The following MEIS2 variants were observed in gnomAD, a reference collection of about 807,000 sequenced individuals.
The protein encoded by MEIS2 is Meis homeobox 2, also known as homeobox protein Meis2.
A neutral mutation model predicts 58.6 loss-of-function variants in MEIS2; 9 were observed. That is an observed-to-expected ratio of 0.15 (90% confidence interval 0.09 to 0.27). The LOEUF is 0.27. MEIS2 is among the 10% of genes least tolerant of loss of function. MEIS2 has a pLI of 1.00. For missense variants in MEIS2, 427 were observed against 635.0 expected (o/e 0.67, Z 3.52); for synonymous variants, 221 against 228.4 (o/e 0.97, Z 0.29).
At chr15:37,008,666 A>T (rs1375325188) in intron 8 of MEIS2, among the ~76,000 whole-genome samples, 1 of 152,238 alleles carries the variant, frequency 6.6e-6, no homozygotes, top group African/African-American at 2.4e-5. Context: ...CTAAAAGGTA[A>T]AAGTTTGCCA....
At chr15:36,953,784 C>A (rs1036268318) in intron 8 of MEIS2, among the ~76,000 whole-genome samples, 1 of 152,174 alleles carries the variant, frequency 6.6e-6, no homozygotes, top group Non-Finnish European at 1.5e-5. Flanking sequence ...TCTAAGGACT[C>A]ATTTGAAAGC....
chr15:36,980,357 C>A (rs891876493), intron 8 of MEIS2, among the ~76,000 whole-genome samples: 1 of 152,094 alleles, frequency 6.6e-6, no homozygotes, highest in Non-Finnish European at 1.5e-5. Context: ...CAAGACTGGG[C>A]AGTTTACAAA....
intron 8 of MEIS2, among the ~76,000 whole-genome samples, chr15:36,976,040 T>A (rs2059737762): frequency 6.6e-6 from 1 of 152,186 alleles, no homozygotes. Flanking sequence ...CAACACTTTA[T>A]AAGTAAGGGA....
At chr15:37,097,760 G>C (rs536408162) in intron 2 of MEIS2, among the ~76,000 whole-genome samples, 2 of 152,218 alleles carry the variant, frequency 1.3e-5, no homozygotes, top group African/African-American at 2.4e-5. Context: ...CGGGCTGTGA[G>C]AGCGAAAGAG....
At chr15:36,944,722 T>C (rs141877051) in intron 9 of MEIS2, among the ~76,000 whole-genome samples, 260 of 152,210 alleles carry the variant, frequency 1.7e-3, no homozygotes, top group African/African-American at 5.9e-3. Context: ...GAAACATAGA[T>C]GTTACTTGGA....
intron 8 of MEIS2, among the ~76,000 whole-genome samples, chr15:36,965,596 C>T (rs963833051): frequency 6.6e-6 from 1 of 152,178 alleles, no homozygotes; most frequent in Non-Finnish European, 1.5e-5. Flanking sequence ...ATAGTTCCAC[C>T]ATTAGGTCAG....
At chr15:37,057,646 GA>G in intron 7 of MEIS2, among the ~76,000 whole-genome samples, 1 of 148,790 alleles carries the variant, frequency 6.7e-6, no homozygotes, top group Admixed American at 6.8e-5. Flanking sequence ...TTGTGGAACT[GA>G]AAAAATAAAT....
intron 8 of MEIS2, among the ~76,000 whole-genome samples, chr15:37,023,435 T>A (rs2061592402): frequency 6.6e-6 from 1 of 152,246 alleles, no homozygotes. Context: ...ACAAGCTCCC[T>A]CATTTTTCTT....
At chr15:37,009,849 CAT>C (rs978185379) in intron 8 of MEIS2, among the ~76,000 whole-genome samples, 15 of 152,110 alleles carry the variant, frequency 9.9e-5, no homozygotes, top group Middle Eastern at 3.2e-3. Flanking sequence ...CATGTGTCTA[CAT>C]AGATACACAG....
At chr15:37,009,245 C>T (rs1212914267) in intron 8 of MEIS2, among the ~76,000 whole-genome samples, 3 of 151,888 alleles carry the variant, frequency 2.0e-5, no homozygotes, top group Admixed American at 6.6e-5. Context: ...GCCGAGATCG[C>T]GCCACTGCAC....
At chr15:37,092,398 A>G (rs1329767237) in intron 6 of MEIS2, among the ~76,000 whole-genome samples, 2 of 152,168 alleles carry the variant, frequency 1.3e-5, no homozygotes, top group East Asian at 3.9e-4. Flanking sequence ...CCAGTCAGGA[A>G]TTGGGATGGG....
At chr15:37,084,536 A>T (rs190623779) in intron 6 of MEIS2, among the ~76,000 whole-genome samples, 10 of 152,074 alleles carry the variant, frequency 6.6e-5, no homozygotes, top group Admixed American at 1.3e-4. Flanking sequence ...GAAATAATTT[A>T]AAAAAAGGAA....
chr15:36,950,180 C>A, intron 9 of MEIS2, 144 bp downstream of exon 9: 1 of 640,146 alleles, frequency 1.6e-6, no homozygotes, highest in Non-Finnish European at 2.7e-6. Context: ...CCCTAATCAC[C>A]CCTTTCACAC....
chr15:36,928,993 T>G lies in MEIS2; in HGVS notation c.977+21331A>C, dbSNP rs79853941. ...CTCACAGTTCATGTCTAAATGATCA[T>G]AGATTATTCCATTATAAACATTTTA... is the stretch of plus-strand genomic sequence containing the variant. On this transcript the variant is annotated intron_variant, in intron 9 of 11. Coordinates refer to ENST00000561208, the MANE Select transcript of MEIS2 (RefSeq NM_170675.5). Among the ~76,000 whole-genome samples, 1,235 of 152,338 alleles carry G rather than the reference T, an allele frequency of 8.1e-3. 9 individuals carry two copies. Among genetic ancestry groups the G allele is most frequent in the Admixed American group, 0.031 (469 of 15,308 alleles).
intron 8 of MEIS2, among the ~76,000 whole-genome samples, chr15:36,996,878 T>G (rs913358431): frequency 1.3e-5 from 2 of 152,194 alleles, no homozygotes; most frequent in East Asian, 3.9e-4. Context: ...TAACTCTCCA[T>G]ATTACATACT....
chr15:36,975,809 A>G (rs1172489296), intron 8 of MEIS2, among the ~76,000 whole-genome samples: 1 of 152,190 alleles, frequency 6.6e-6, no homozygotes, highest in Admixed American at 6.5e-5. Context: ...CAGCATGGTG[A>G]CTACAGTCAA....
At chr15:37,089,510 C>T (rs1444629602) in intron 6 of MEIS2, among the ~76,000 whole-genome samples, 1 of 152,098 alleles carries the variant, frequency 6.6e-6, no homozygotes, top group Admixed American at 6.5e-5. Flanking sequence ...CAAAAGAAAA[C>T]ACCAGAATAT....
intron 6 of MEIS2, among the ~76,000 whole-genome samples, chr15:37,089,915 TGTG>T (rs1469072381): frequency 6.6e-6 from 1 of 152,140 alleles, no homozygotes; most frequent in Admixed American, 6.5e-5. Context: ...AAATAGATAA[TGTG>T]AGTATCACCT....
chr15:37,009,243 C>T (rs557251598), intron 8 of MEIS2, among the ~76,000 whole-genome samples: 2 of 151,884 alleles, frequency 1.3e-5, no homozygotes, highest in Non-Finnish European at 2.9e-5. Context: ...GAGCCGAGAT[C>T]GCGCCACTGC....
Sources: allele counts gnomAD v4.1 joint callset (sites outside exome capture counted in the v4.1 genomes callset), GRCh38; gene constraint gnomAD v4.1.1; transcripts MANE v1.5; gene names NCBI Gene and HGNC (gene_info 2026-07-23, HGNC 2026-07-21).